The following CNTNAP5 variants were observed in gnomAD, a reference collection of about 807,000 sequenced individuals.
The protein encoded by CNTNAP5 is contactin associated protein family member 5, also known as contactin-associated protein-like 5.
Under a neutral mutation model 150.2 loss-of-function variants are expected in CNTNAP5, and 72 were observed. The ratio of observed to expected loss-of-function variants is 0.48; its 90% CI spans 0.40 to 0.58. The LOEUF (loss-of-function observed/expected upper bound fraction) is 0.58, where lower values mean the gene tolerates loss of function less well. Among genes scored for constraint, CNTNAP5 ranks in the 20% least tolerant of loss-of-function variants. The pLI is 0.00. For missense variants in CNTNAP5, 1,636 were observed against 1,626.2 expected, an observed-to-expected ratio of 1.01 and a Z score of -0.10; for synonymous variants, 672 against 619.8, an observed-to-expected ratio of 1.08 and a Z score of -1.25.
At chr2:124,648,012 G>T in intron 13 of CNTNAP5, 54 bp downstream of exon 13, 1 of 1,509,828 alleles carries the variant, frequency 6.6e-7, no homozygotes, top group Non-Finnish European at 9.0e-7. Flanking sequence ...CTCAGACCTG[G>T]AGTATTAGGC....
At chr2:124,212,614 C>T (rs1038395034) in intron 1 of CNTNAP5, among the ~76,000 whole-genome samples, 1 of 152,038 alleles carries the variant, frequency 6.6e-6, no homozygotes, top group African/African-American at 2.4e-5. Context: ...TATTCATAAC[C>T]TTAAAAGTTT....
chr2:124,226,443 T>C (rs1378536239), intron 2 of CNTNAP5, among the ~76,000 whole-genome samples: 7 of 152,182 alleles, frequency 4.6e-5, no homozygotes, highest in Non-Finnish European at 1.0e-4. Context: ...CATTTTTAAA[T>C]TGGGTTATTT....
intron 19 of CNTNAP5, among the ~76,000 whole-genome samples, chr2:124,857,311 A>C (rs1361620471): frequency 6.6e-6 from 1 of 152,178 alleles, no homozygotes; most frequent in Admixed American, 6.5e-5. Context: ...GCAATCTCAG[A>C]TGCATGCAAA....
At chr2:124,911,650 C>A in intron 23 of CNTNAP5, 112 bp downstream of exon 23, 2 of 800,866 alleles carry the variant, frequency 2.5e-6, no homozygotes, top group Non-Finnish European at 4.2e-6. Flanking sequence ...GAGCCCCCTA[C>A]ATTACCTGCA....
At chr2:124,474,717 G>T (rs769222473) in intron 6 of CNTNAP5, 22 bp from the exon 7 acceptor site, 2 of 1,525,020 alleles carry the variant, frequency 1.3e-6, no homozygotes, top group Non-Finnish European at 1.8e-6. Context: ...CTAAGAGTTT[G>T]TTTCTATTTT....
At chr2:124,857,734 G>A (rs1677412185) in intron 19 of CNTNAP5, among the ~76,000 whole-genome samples, 1 of 152,050 alleles carries the variant, frequency 6.6e-6, no homozygotes, top group African/African-American at 2.4e-5. Flanking sequence ...GGAGGCTGAG[G>A]CAGAATTGCT....
At chr2:124,394,999 G>A (rs1003626100) in intron 3 of CNTNAP5, among the ~76,000 whole-genome samples, 2 of 150,854 alleles carry the variant, frequency 1.3e-5, no homozygotes, top group African/African-American at 2.4e-5. Flanking sequence ...CAAATGCTGG[G>A]GTAAAATAGT....
rs539558776 is a variant in CNTNAP5 at position 124,716,961 on chromosome 2, A to G, written c.2078-30268A>G. Among the ~76,000 whole-genome samples the G allele has an allele frequency of 4.3e-3, 649 of 152,122 alleles. 4 individuals are homozygous for G. The highest frequency in any genetic ancestry group is 7.9e-3 in the Non-Finnish European group (537 of 68,002). ...ATTCTTTGCCTAATTTCTTCCCATT[A>G]CTCATAATTTCCCTCTGCCTAAATA... is the stretch of plus-strand genomic sequence containing the variant. On this transcript the variant is annotated intron_variant, in intron 13 of 23. Transcript: ENST00000682447.
At chr2:124,654,425 G>A (rs1409837202) in intron 13 of CNTNAP5, among the ~76,000 whole-genome samples, 5 of 152,048 alleles carry the variant, frequency 3.3e-5, no homozygotes, top group Non-Finnish European at 5.9e-5. Context: ...ACTGGAAAAA[G>A]GTATGAGCTC....
chr2:124,118,060 A>G (rs927301187), intron 1 of CNTNAP5, among the ~76,000 whole-genome samples: 6 of 152,140 alleles, frequency 3.9e-5, no homozygotes, highest in African/African-American at 1.4e-4. Context: ...AAGCTTGCAA[A>G]CCATTGGTCT....
At chr2:124,343,481 A>T (rs982419853) in intron 3 of CNTNAP5, among the ~76,000 whole-genome samples, 1 of 152,084 alleles carries the variant, frequency 6.6e-6, no homozygotes, top group Non-Finnish European at 1.5e-5. Flanking sequence ...TTTTATTTTG[A>T]TTCTTAGGGG....
chr2:124,361,904 C>A (rs925634433), intron 3 of CNTNAP5, among the ~76,000 whole-genome samples: 2 of 151,882 alleles, frequency 1.3e-5, no homozygotes, highest in Admixed American at 6.6e-5. Flanking sequence ...GCCCCTCCCC[C>A]AGCCTCGCTG....
At chr2:124,104,589 G>A (rs532398513) in intron 1 of CNTNAP5, among the ~76,000 whole-genome samples, 1 of 152,112 alleles carries the variant, frequency 6.6e-6, no homozygotes, top group Admixed American at 6.6e-5. Context: ...CAAATCCAAT[G>A]AACATTTTTT....
At chr2:124,520,380 A>G (rs1020989832) in intron 8 of CNTNAP5, among the ~76,000 whole-genome samples, 3 of 152,232 alleles carry the variant, frequency 2.0e-5, no homozygotes, top group African/African-American at 7.2e-5. Flanking sequence ...TCTTCAGAAT[A>G]AAATTCACAG....
At chr2:124,439,604 G>A (rs145006649) in intron 5 of CNTNAP5, among the ~76,000 whole-genome samples, 77 of 152,266 alleles carry the variant, frequency 5.1e-4, no homozygotes, top group African/African-American at 1.9e-3. Context: ...AAGGACATGT[G>A]TTTCATTGCT....
chr2:124,860,101 C>T (rs533152932), intron 19 of CNTNAP5, among the ~76,000 whole-genome samples: 1 of 151,938 alleles, frequency 6.6e-6, no homozygotes, highest in South Asian at 2.1e-4. Flanking sequence ...CCTGTAATCC[C>T]AGCACCTTGG....
At chr2:124,582,995 C>CT (rs1028344852) in intron 11 of CNTNAP5, among the ~76,000 whole-genome samples, 2 of 151,912 alleles carry the variant, frequency 1.3e-5, no homozygotes, top group African/African-American at 2.4e-5. Context: ...TTAAAAAAGG[C>CT]TTTTTTTTCC....
At chr2:124,069,396 G>A (rs887330766) in intron 1 of CNTNAP5, among the ~76,000 whole-genome samples, 3 of 152,194 alleles carry the variant, frequency 2.0e-5, no homozygotes, top group Non-Finnish European at 2.9e-5. Context: ...CTCTGGCCCT[G>A]CTTAGGGTCT....
At chr2:124,493,996 A>ACACACACT (rs1694091338) in intron 7 of CNTNAP5, among the ~76,000 whole-genome samples, 1 of 149,540 alleles carries the variant, frequency 6.7e-6, no homozygotes, top group Non-Finnish European at 1.5e-5. Context: ...ACACACACAC[A>ACACACACT]CACACACTCC....
Sources: gnomAD v4.1 joint callset for allele counts (sites outside exome capture counted in the v4.1 genomes callset) on GRCh38, gnomAD v4.1.1 for gene constraint, MANE v1.5 for transcripts, NCBI Gene and HGNC (gene_info 2026-07-23, HGNC 2026-07-21) for gene names.